PTPRN2: variants seen among roughly 807,000 people sequenced by gnomAD.
PTPRN2 encodes the protein receptor-type tyrosine-protein phosphatase N2.
A neutral mutation model predicts 118.8 loss-of-function variants in PTPRN2; 74 were observed. The ratio of observed to expected loss-of-function variants is 0.62; its 90% confidence interval spans 0.52 to 0.76. The LOEUF (loss-of-function observed/expected upper bound fraction) is 0.76. Among genes scored for constraint, PTPRN2 ranks in the 30% least tolerant of loss-of-function variants. The pLI, the probability that PTPRN2 is intolerant of heterozygous loss-of-function variation, is 0.00. For missense variants in PTPRN2, 1,481 were observed against 1,394.4 expected, an observed-to-expected ratio of 1.06 and a Z score of -0.99; for synonymous variants, 641 against 608.0, an observed-to-expected ratio of 1.05 and a Z score of -0.80.
At chr7:158,402,900 G>T (rs571150713) in intron 2 of PTPRN2, among the ~76,000 whole-genome samples, 3 of 152,172 alleles carry the variant, frequency 2.0e-5, no homozygotes, top group Non-Finnish European at 4.4e-5. Context: ...GAATCATGGG[G>T]TGCAGGGGCA....
rs372789841 is a variant in PTPRN2 at position 157,966,666 on chromosome 7, CCAT to C, written c.1724-67932_1724-67930del. 3.1e-3 allele frequency among the ~76,000 whole-genome samples: 469 copies of C among 151,770 alleles called. 2 individuals are homozygous for C. The highest frequency in any genetic ancestry group is 9.3e-3 in the African/African-American group (383 of 41,352). On this transcript the variant is annotated intron_variant, in intron 11 of 22. Transcript: ENST00000389418. ...ATTATCACCATCAACATCTTCATCA[CCAT>C]CATCATCTTTATCATCACAATCCCC...
chr7:158,556,671 T>C (rs1335389014), intron 1 of PTPRN2, among the ~76,000 whole-genome samples: 1 of 152,152 alleles, frequency 6.6e-6, no homozygotes, highest in Non-Finnish European at 1.5e-5. Context: ...CCTGGTCTCC[T>C]CCCCTCAGAG....
intron 11 of PTPRN2, among the ~76,000 whole-genome samples, chr7:157,962,626 C>T (rs1007878655): frequency 6.6e-6 from 1 of 152,204 alleles, no homozygotes; most frequent in African/African-American, 2.4e-5. Flanking sequence ...TCAGGTGCAG[C>T]CTGCACATGG....
At chr7:158,318,554 T>C (rs1802538956) in intron 2 of PTPRN2, among the ~76,000 whole-genome samples, 1 of 151,862 alleles carries the variant, frequency 6.6e-6, no homozygotes, top group Non-Finnish European at 1.5e-5. Flanking sequence ...GACCACCTAA[T>C]CCTAGGCCAG....
intron 2 of PTPRN2, among the ~76,000 whole-genome samples, chr7:158,473,314 T>A (rs957376926): frequency 6.6e-6 from 1 of 152,160 alleles, no homozygotes; most frequent in Non-Finnish European, 1.5e-5. Flanking sequence ...TGTAAACATA[T>A]GTGAGAACCC....
At chr7:158,030,001 T>G (rs905399982) in intron 11 of PTPRN2, 1 of 152,198 alleles carries the variant, frequency 6.6e-6, no homozygotes, top group Non-Finnish European at 1.5e-5. Flanking sequence ...ATCAAAGACA[T>G]GTAGAGAGAA....
Position 157,656,399 on chromosome 7 carries a change from A to C in PTPRN2, c.2154T>G (p.Pro718=). The C allele has an allele frequency of 6.4e-7, 1 of 1,552,824 alleles. No individual in the cohort carries two copies. The highest frequency in any genetic ancestry group is 8.7e-7 in the Non-Finnish European group (1 of 1,147,852). Reference sequence around the variant, plus strand: ...TGGAGATGTCCATGTTGGACTGCACAGGCTCCTCGGACCAGGATGAGGCGC... The same window carrying C: ...TGGAGATGTCCATGTTGGACTGCACCGGCTCCTCGGACCAGGATGAGGCGC... ...RSSASSWSEE[P]VQSNMDISTG... Residue 718 remains proline (P), a synonymous_variant, in exon 14 of 23, where the codon CCT becomes CCG. Transcript: ENST00000389418.
chr7:157,807,736 C>G (rs900603428), intron 12 of PTPRN2, among the ~76,000 whole-genome samples: 3 of 152,216 alleles, frequency 2.0e-5, no homozygotes, highest in Non-Finnish European at 2.9e-5. Context: ...TAGGCACCGC[C>G]CCTGCAAATG....
intron 12 of PTPRN2, among the ~76,000 whole-genome samples, chr7:157,852,472 A>G (rs1001213776): frequency 1.3e-5 from 2 of 152,240 alleles, no homozygotes; most frequent in African/African-American, 4.8e-5. Context: ...TTTTAAATTG[A>G]AAGTTTAAAT....
At chr7:157,715,885 C>T (rs1045833021) in intron 12 of PTPRN2, among the ~76,000 whole-genome samples, 14 of 152,324 alleles carry the variant, frequency 9.2e-5, no homozygotes, top group African/African-American at 2.2e-4. Context: ...CTGCATGCTC[C>T]GGGGAGACAC....
intron 12 of PTPRN2, among the ~76,000 whole-genome samples, chr7:157,775,349 C>A (rs939402255): frequency 3.9e-5 from 6 of 152,232 alleles, no homozygotes; most frequent in African/African-American, 1.4e-4. Flanking sequence ...CCTCACCTCA[C>A]CCTGCTGGGT....
At chr7:158,018,192 A>G (rs1806582632) in intron 11 of PTPRN2, among the ~76,000 whole-genome samples, 1 of 152,216 alleles carries the variant, frequency 6.6e-6, no homozygotes. Context: ...AGCTGGAGCT[A>G]GGCCACATGC....
intron 2 of PTPRN2, among the ~76,000 whole-genome samples, chr7:158,441,090 G>A (rs933143612): frequency 6.9e-6 from 1 of 144,938 alleles, no homozygotes; most frequent in East Asian, 2.0e-4. Flanking sequence ...GCTGGTGGTA[G>A]TGATAGGGGT....
At chr7:157,971,462 G>A (rs1802324324) in intron 11 of PTPRN2, among the ~76,000 whole-genome samples, 1 of 152,160 alleles carries the variant, frequency 6.6e-6, no homozygotes, top group South Asian at 2.1e-4. Flanking sequence ...CCACTTGGAA[G>A]TAATGGCTTA....
At chr7:158,070,839 CATG>C (rs2128916815) in intron 11 of PTPRN2, among the ~76,000 whole-genome samples, 7 of 103,884 alleles carry the variant, frequency 6.7e-5, no homozygotes, top group African/African-American at 2.6e-4. Flanking sequence ...TGGAGGTGCC[CATG>C]GTGGTATGGA....
chr7:158,157,364 T>C (rs941936475), intron 6 of PTPRN2, among the ~76,000 whole-genome samples: 1 of 152,226 alleles, frequency 6.6e-6, no homozygotes, highest in Non-Finnish European at 1.5e-5. Context: ...GCAGCTGGCT[T>C]ACAGCAGCAT....
At chr7:158,112,936 T>TGGGAGTC (rs144520753) in intron 9 of PTPRN2, among the ~76,000 whole-genome samples, 2,020 of 152,184 alleles carry the variant, frequency 0.013, 50 homozygotes, top group East Asian at 0.098. Flanking sequence ...AGGTGTTCAC[T>TGGGAGTC]GGCCTCAGGA....
At position 158,063,957 on chromosome 7, in the gene PTPRN2, G is replaced by A. The variant is rs117999489; in HGVS notation, c.1723+17341C>T. On this transcript the variant is annotated intron_variant, in intron 11 of 22. Transcript: ENST00000389418. ...GTGCTCAGAAAGTGAGACACACTCAGTGAGAGACACACACTACATACAATC... is the reference window on the plus strand; with the variant it reads ...GTGCTCAGAAAGTGAGACACACTCAATGAGAGACACACACTACATACAATC... Among the ~76,000 whole-genome samples the A allele has an allele frequency of 6.3e-3, 964 of 152,264 alleles. 6 individuals carry two copies. Among genetic ancestry groups the A allele is most frequent in the Non-Finnish European group, 9.1e-3 (622 of 68,016 alleles).
At chr7:158,263,568 G>A (rs1797679518) in intron 3 of PTPRN2, among the ~76,000 whole-genome samples, 1 of 152,214 alleles carries the variant, frequency 6.6e-6, no homozygotes, top group African/African-American at 2.4e-5. Flanking sequence ...CCCCACCGTT[G>A]TTTGTGTATT....
Sources: gnomAD v4.1 joint callset for allele counts (sites outside exome capture counted in the v4.1 genomes callset) on GRCh38, gnomAD v4.1.1 for gene constraint, MANE v1.5 for transcripts, NCBI Gene and HGNC (gene_info 2026-07-23, HGNC 2026-07-21) for gene names.